Variants in SLC37A2 observed in about 807,000 individuals in gnomAD.
SLC37A2 encodes glucose-6-phosphate exchanger SLC37A2.
SLC37A2 carries 59 observed loss-of-function variants against 70.7 expected under a neutral mutation model. The observed-to-expected ratio is 0.83, with a 90% CI of 0.68 to 1.04. SLC37A2 has a LOEUF of 1.04. SLC37A2 is among the 50% of genes least tolerant of loss of function. The pLI is 0.00. For missense variants in SLC37A2, 580 were observed against 658.1 expected (o/e 0.88, Z 1.30); for synonymous variants, 257 against 262.1 (o/e 0.98, Z 0.19).
At chr11:125,084,767 G>T (rs1591634645) in intron 12 of SLC37A2, 58 bp from the exon 13 acceptor site, 1 of 1,579,044 alleles carries the variant, frequency 6.3e-7, no homozygotes, top group East Asian at 2.3e-5. Flanking sequence ...CAGACCTCAG[G>T]GCTCCAGGCC....
At chr11:125,079,880 T>C (rs2135571225) in intron 6 of SLC37A2, 120 bp downstream of exon 6, 2 of 759,698 alleles carry the variant, frequency 2.6e-6, no homozygotes, top group Non-Finnish European at 4.6e-6. Context: ...TCCACGTTGC[T>C]GTTCACGTGC....
intron 1 of SLC37A2, among the ~76,000 whole-genome samples, chr11:125,071,345 T>G (rs1949027342): frequency 6.6e-6 from 1 of 152,210 alleles, no homozygotes; most frequent in Non-Finnish European, 1.5e-5. Context: ...TGGCTGCCTC[T>G]TCTGAGCCCC....
chr11:125,080,757 T>C lies in SLC37A2; in HGVS notation c.671T>C (p.Ile224Thr). The part of the protein sequence containing the change: ...PGIITAVMGV[I>T]TFLFLIEHPE... Reference sequence around the variant, plus strand: ...ATCATTACTGCCGTCATGGGCGTCATCACCTTCCTCTTCCTCATCGAACGT... The same window carrying C: ...ATCATTACTGCCGTCATGGGCGTCACCACCTTCCTCTTCCTCATCGAACGT... Residue 224 changes from isoleucine (I) to threonine (T), a missense_variant, in exon 7 of 18, where the codon ATC becomes ACC. By Grantham distance (89) the Ile-to-Thr change is moderately conservative. Coordinates refer to ENST00000403796, the MANE Select transcript of SLC37A2 (RefSeq NM_001145290.2). This position sits in a 1 kb window ranked among gnomAD's most constrained non-coding sequence, Gnocchi z 4.3. 1 of 1,511,884 alleles carries C rather than the reference T, an allele frequency of 6.6e-7. No individual in the cohort carries two copies. Among genetic ancestry groups the C allele is most frequent in the Non-Finnish European group, 8.9e-7 (1 of 1,124,734 alleles). The allele number at this position is 1,511,884 out of a possible 1,614,324, so 93.7% of individuals were successfully genotyped here.
At chr11:125,074,363 C>T (rs1031121898) in intron 1 of SLC37A2, among the ~76,000 whole-genome samples, 5 of 152,108 alleles carry the variant, frequency 3.3e-5, no homozygotes, top group South Asian at 4.1e-4. Flanking sequence ...GTGGAGATTC[C>T]GCTCACGGAT....
intron 1 of SLC37A2, among the ~76,000 whole-genome samples, chr11:125,067,274 G>A (rs757726761): frequency 6.6e-6 from 1 of 152,070 alleles, no homozygotes; most frequent in Non-Finnish European, 1.5e-5. Flanking sequence ...TTGCAGACAT[G>A]AGCCACCATG....
intron 1 of SLC37A2, among the ~76,000 whole-genome samples, chr11:125,073,761 A>T (rs1289926372): frequency 1.3e-5 from 2 of 152,312 alleles, no homozygotes; most frequent in Non-Finnish European, 1.5e-5. Flanking sequence ...TTCCCCCGTG[A>T]TGCTGCTATG....
chr11:125,078,427 T>C (rs1949112914), intron 4 of SLC37A2, among the ~76,000 whole-genome samples: 1 of 152,186 alleles, frequency 6.6e-6, no homozygotes, highest in South Asian at 2.1e-4. Context: ...AATTTGACAG[T>C]AGCCCAAGCT....
At chr11:125,076,884 T>C in intron 2 of SLC37A2, 46 bp downstream of exon 2, 1 of 1,590,132 alleles carries the variant, frequency 6.3e-7, no homozygotes, top group Non-Finnish European at 8.6e-7. Flanking sequence ...CACACTGTCG[T>C]AACCGTCCTT....
chr11:125,082,183 G>A (rs1254498991), intron 9 of SLC37A2, 61 bp from the exon 10 acceptor site: 4 of 1,530,824 alleles, frequency 2.6e-6, no homozygotes, highest in Non-Finnish European at 3.6e-6. Context: ...ACCCCTTGGG[G>A]CCACCACTGA....
intron 5 of SLC37A2, 107 bp downstream of exon 5, chr11:125,079,354 G>A (rs1465986992): frequency 2.8e-6 from 4 of 1,432,874 alleles, no homozygotes; most frequent in Non-Finnish European, 3.9e-6. Context: ...TCCCTGTCCA[G>A]TGCTCTCTAT....
intron 5 of SLC37A2, 96 bp from the exon 6 acceptor site, chr11:125,079,588 C>A: frequency 1.0e-6 from 1 of 966,078 alleles, no homozygotes; most frequent in Non-Finnish European, 1.6e-6. Flanking sequence ...GGCCCCTTGG[C>A]CACGAAATTG....
In SLC37A2 at chr11:125,088,217, C is replaced by A; in HGVS notation, c.*83C>A. On this transcript the variant is annotated 3_prime_UTR_variant, in exon 18 of 18. Coordinates refer to ENST00000403796, the MANE Select transcript of SLC37A2 (RefSeq NM_001145290.2). The stretch of plus-strand genomic sequence containing the variant: ...ATGGGCAAGACAATGGAAACTTCCA[C>A]AAGCAGGGAAGGCAAACCCTCTTTA... 6.7e-7 allele frequency: 1 copy of A among 1,495,102 alleles called. No homozygotes were observed. Among genetic ancestry groups the A allele is most frequent in the Non-Finnish European group, 9.1e-7 (1 of 1,096,206 alleles). The allele number at this position is 1,495,102 out of a possible 1,614,324, so 92.6% of individuals were successfully genotyped here.
In SLC37A2 at chr11:125,080,781, G is replaced by A. The variant is rs1447818519; in HGVS notation, c.694+1G>A. The A allele has an allele frequency of 4.8e-6, 7 of 1,467,062 alleles. No individual in the cohort carries two copies. Among genetic ancestry groups the A allele is most frequent in the Non-Finnish European group, 5.5e-6 (6 of 1,100,798 alleles). 90.9% of individuals were successfully genotyped at this position (1,467,062 alleles called of 1,614,324 possible). Reference sequence around the variant, plus strand: ...ATCACCTTCCTCTTCCTCATCGAACGTGAGTGGGCCCCTCACTCCCCACAA... The same window carrying A: ...ATCACCTTCCTCTTCCTCATCGAACATGAGTGGGCCCCTCACTCCCCACAA... On this transcript the variant is annotated splice_donor_variant, in intron 7 of 17. Transcript: ENST00000403796. LOFTEE classifies it high-confidence loss of function. The surrounding 1 kb of genome is among the most constrained non-coding windows in gnomAD (Gnocchi z 4.3).
chr11:125,076,919 T>C, intron 2 of SLC37A2, 81 bp downstream of exon 2: 1 of 1,369,896 alleles, frequency 7.3e-7, no homozygotes, highest in Non-Finnish European at 1.0e-6. Context: ...CCACCGAGGT[T>C]GCACCTTCAC....
chr11:125,080,814 T>C lies in SLC37A2; in HGVS notation c.694+34T>C. On this transcript the variant is annotated intron_variant, in intron 7 of 17. Coordinates refer to ENST00000403796, the MANE Select transcript of SLC37A2 (RefSeq NM_001145290.2). This position sits in a 1 kb window ranked among gnomAD's most constrained non-coding sequence, Gnocchi z 4.3. ...GCCCCTCACTCCCCACAAGTGAGCC[T>C]AGAAGTTCTCGGTTTCTGGGAGAAG... is the stretch of plus-strand genomic sequence containing the variant. 4 of 1,361,574 alleles carry C rather than the reference T, an allele frequency of 2.9e-6. No individual in the cohort carries two copies. The highest frequency in any genetic ancestry group is 3.8e-6 in the Non-Finnish European group (4 of 1,046,710). 84.3% of individuals were successfully genotyped at this position (1,361,574 alleles called of 1,614,324 possible). A position where few individuals can be genotyped will look rare whatever the true frequency, so the allele number is the denominator to read the frequency against.
intron 1 of SLC37A2, among the ~76,000 whole-genome samples, chr11:125,064,239 T>C (rs1019778325): frequency 6.6e-6 from 1 of 152,188 alleles, no homozygotes; most frequent in Non-Finnish European, 1.5e-5. Flanking sequence ...TTCATGCTTG[T>C]AATCCCACCA....
chr11:125,081,344 G>T, intron 7 of SLC37A2, 77 bp from the exon 8 acceptor site: 1 of 1,456,594 alleles, frequency 6.9e-7, no homozygotes, highest in Non-Finnish European at 9.4e-7. Context: ...CCAGTGCAAG[G>T]TGAGGGCCTG....
Position 125,085,985 on chromosome 11 carries a change from T to G in SLC37A2, c.1457T>G (p.Leu486Trp), listed in dbSNP as rs749988458. Residue 486 changes from leucine (L) to tryptophan (W), a missense_variant, in exon 17 of 18, where the codon TTG becomes TGG. Physicochemically the swap from Leu to Trp is moderately conservative, Grantham distance 61. Coordinates refer to ENST00000403796, the MANE Select transcript of SLC37A2 (RefSeq NM_001145290.2). ...TGCCGGTTAGTATACAAAGAGATCTTGGCCTGGAAGGTGTCCCTGAGCAGA... is the reference window on the plus strand; with the variant it reads ...TGCCGGTTAGTATACAAAGAGATCTGGGCCTGGAAGGTGTCCCTGAGCAGA... ...LLCRLVYKEI[L>W]AWKVSLSRGS... The G allele has an allele frequency of 1.9e-6, 3 of 1,614,190 alleles. No homozygotes were observed. Among genetic ancestry groups the G allele is most frequent in the Admixed American group, 1.7e-5 (1 of 60,026 alleles).
chr11:125,078,745 C>T (rs1949115982), intron 4 of SLC37A2, among the ~76,000 whole-genome samples: 2 of 152,064 alleles, frequency 1.3e-5, no homozygotes, highest in Non-Finnish European at 2.9e-5. Context: ...AGGCACCTGT[C>T]TGTGACTGTG....
Sources: gnomAD v4.1 joint callset for allele counts (sites outside exome capture counted in the v4.1 genomes callset) on GRCh38, gnomAD v4.1.1 for gene constraint, Gnocchi (gnomAD v3.1) non-coding constraint, MANE v1.5 for transcripts, NCBI Gene and HGNC (gene_info 2026-07-23, HGNC 2026-07-21) for gene names.